Variants in SEMA3A observed in about 807,000 individuals in gnomAD.
The protein encoded by SEMA3A is semaphorin-3A.
In SEMA3A, 29 loss-of-function variants were observed where a neutral mutation model predicts 97.9. That is an observed-to-expected ratio of 0.30 (90% CI 0.22 to 0.40). SEMA3A has a LOEUF of 0.40. Ranked by LOEUF, SEMA3A falls within the 10% of genes least tolerant of loss-of-function variation. The pLI is 1.00. For missense variants in SEMA3A, 763 were observed against 951.3 expected (o/e 0.80, Z 2.60); for synonymous variants, 321 against 323.7 (o/e 0.99, Z 0.09).
chr7:84,241,460 G>C (rs1473737149), intron 3 of SEMA3A, among the ~76,000 whole-genome samples: 1 of 151,786 alleles, frequency 6.6e-6, no homozygotes, highest in Non-Finnish European at 1.5e-5. Context: ...TTGTTTATTT[G>C]TTTCTTGTAA....
chr7:84,165,177 C>T (rs35360498), intron 1 of SEMA3A, among the ~76,000 whole-genome samples: 59,153 of 151,764 alleles, frequency 0.39, 13,041 homozygotes, highest in Admixed American at 0.49. Context: ...ATTGCACTCC[C>T]GCCTGGGTGT....
At chr7:84,203,520 A>ATT (rs1158876783) in intron 3 of SEMA3A, among the ~76,000 whole-genome samples, 47 of 50,212 alleles carry the variant, frequency 9.4e-4, no homozygotes, top group South Asian at 2.6e-3. Flanking sequence ...ATATATATAT[A>ATT]TATATATTTT....
chr7:84,000,533 T>A (rs1408554609), intron 12 of SEMA3A, among the ~76,000 whole-genome samples: 1 of 152,170 alleles, frequency 6.6e-6, no homozygotes, highest in Non-Finnish European at 1.5e-5. Context: ...TACTCGTTAC[T>A]GTCTTTGATG....
At chr7:84,134,988 T>A (rs370142538) in intron 1 of SEMA3A, 37 bp from the exon 2 acceptor site, 1 of 1,581,466 alleles carries the variant, frequency 6.3e-7, no homozygotes, top group African/African-American at 1.3e-5. Flanking sequence ...GGTATTAATG[T>A]GAAGCACTAT....
chr7:84,419,621 A>G (rs1486327330), intron 1 of SEMA3A, among the ~76,000 whole-genome samples: 1 of 152,122 alleles, frequency 6.6e-6, no homozygotes, highest in Non-Finnish European at 1.5e-5. Flanking sequence ...AAGGTTTGAC[A>G]TTCAAAAGTG....
At position 83,981,445 on chromosome 7, in the gene SEMA3A, C is replaced by T. The variant is rs1302691278; in HGVS notation, c.1528G>A (p.Ala510Thr). 1 of 1,612,642 alleles carries T rather than the reference C, an allele frequency of 6.2e-7. No individual in the cohort carries two copies. The highest frequency in any genetic ancestry group is 1.3e-5 in the African/African-American group (1 of 74,896). The change falls in exon 14 of 17, where the codon GCC becomes ACC. Residue 510 changes from alanine (A) to threonine (T), a missense_variant. Physicochemically the swap from Ala to Thr is moderately conservative, Grantham distance 58. Coordinates refer to ENST00000265362, the MANE Select transcript of SEMA3A (RefSeq NM_006080.3). ...TCACACCGGTGTAAAGGGAGCTGGG[C>T]AACCCCAGCCGTTGAACCAATATAT... ...QLYIGSTAGV[A>T]QLPLHRCDIY...
intron 3 of SEMA3A, among the ~76,000 whole-genome samples, chr7:84,250,962 TCTC>T (rs1305547206): frequency 2.0e-5 from 3 of 152,152 alleles, no homozygotes; most frequent in Admixed American, 6.6e-5. Context: ...ACGCAGATAA[TCTC>T]CTCAAGAGTC....
chr7:84,491,185 T>G (rs941299084), intron 1 of SEMA3A, among the ~76,000 whole-genome samples: 2 of 152,106 alleles, frequency 1.3e-5, no homozygotes, highest in South Asian at 4.1e-4. Context: ...CCATCTATAA[T>G]AGTTAGAAAA....
intron 15 of SEMA3A, among the ~76,000 whole-genome samples, chr7:83,975,829 T>C (rs1363540020): frequency 8.5e-5 from 13 of 152,212 alleles, no homozygotes; most frequent in Non-Finnish European, 1.5e-4. Flanking sequence ...TCAATATTTT[T>C]CCATGAAACA....
chr7:84,322,804 AAAAATGTG>A (rs1260567770), intron 2 of SEMA3A, among the ~76,000 whole-genome samples: 1 of 152,244 alleles, frequency 6.6e-6, no homozygotes, highest in Non-Finnish European at 1.5e-5. Context: ...TGAGGATTTA[AAAAATGTG>A]AAATCACATC....
intron 1 of SEMA3A, among the ~76,000 whole-genome samples, chr7:84,423,237 A>G (rs1029338984): frequency 6.6e-6 from 1 of 151,826 alleles, no homozygotes; most frequent in Non-Finnish European, 1.5e-5. Flanking sequence ...AAGATTTGCA[A>G]TATTAGACTC....
chr7:84,437,614 C>T (rs751197396), intron 1 of SEMA3A, among the ~76,000 whole-genome samples: 1 of 145,158 alleles, frequency 6.9e-6, no homozygotes, highest in Non-Finnish European at 1.5e-5. Flanking sequence ...TAAAGAAAAA[C>T]ATTTAAGGAA....
intron 1 of SEMA3A, among the ~76,000 whole-genome samples, chr7:84,485,670 C>T (rs1053820299): frequency 2.0e-5 from 3 of 152,090 alleles, no homozygotes; most frequent in Admixed American, 6.6e-5. Flanking sequence ...TTACTGCTCC[C>T]GCTTTATGTG....
intron 1 of SEMA3A, among the ~76,000 whole-genome samples, chr7:84,192,608 G>C (rs1474563901): frequency 6.6e-6 from 1 of 151,756 alleles, no homozygotes; most frequent in Non-Finnish European, 1.5e-5. Context: ...GTACAACAAA[G>C]GATATTCAAA....
Position 84,288,889 on chromosome 7 carries a change from A to G in SEMA3A, c.-83+18318T>C, listed in dbSNP as rs78410178. Among the ~76,000 whole-genome samples the G allele has an allele frequency of 5.3e-5, 8 of 152,248 alleles. No homozygotes were observed. In the East Asian group the frequency reaches 1.5e-3, roughly 29 times the overall value. ...CATATCTAAAAGAAAGGAAATCAGT[A>G]AGCTAAAGAGCTTACACACTCCTCC... is the stretch of plus-strand genomic sequence containing the variant. On this transcript the variant is annotated intron_variant, in intron 3 of 3. Transcript: ENST00000424555.
chr7:84,066,842 C>G lies in SEMA3A; in HGVS notation c.454-6284G>C, dbSNP rs186299800. ...AATCAATATCGTGAAAATGGCCATACTGCCCAAGGTAATTTACAGATTGAA... is the reference window on the plus strand; with the variant it reads ...AATCAATATCGTGAAAATGGCCATAGTGCCCAAGGTAATTTACAGATTGAA... On this transcript the variant is annotated intron_variant, in intron 4 of 16. Transcript: ENST00000265362. 1.2e-3 allele frequency among the ~76,000 whole-genome samples: 179 copies of G among 152,220 alleles called. 3 individuals carry two copies. The highest frequency in any genetic ancestry group is 4.3e-3 in the African/African-American group (178 of 41,532).
intron 6 of SEMA3A, among the ~76,000 whole-genome samples, chr7:84,018,905 AAAAAC>A (rs1189458411): frequency 6.6e-6 from 1 of 152,152 alleles, no homozygotes; most frequent in Non-Finnish European, 1.5e-5. Context: ...TGCTGCAGAG[AAAAAC>A]AAAACAAACA....
At chr7:84,340,375 T>G (rs1203860790) in intron 2 of SEMA3A, among the ~76,000 whole-genome samples, 1 of 152,188 alleles carries the variant, frequency 6.6e-6, no homozygotes, top group Non-Finnish European at 1.5e-5. Context: ...TCATACTAAA[T>G]TCAGAATGAA....
At chr7:84,072,075 C>T (rs574270310) in intron 4 of SEMA3A, among the ~76,000 whole-genome samples, 1 of 151,818 alleles carries the variant, frequency 6.6e-6, no homozygotes. Flanking sequence ...TACTCTTTAA[C>T]GTCTTGGTGG....
Sources: allele counts gnomAD v4.1 joint callset (sites outside exome capture counted in the v4.1 genomes callset), GRCh38; gene constraint gnomAD v4.1.1; transcripts MANE v1.5; gene names NCBI Gene and HGNC (gene_info 2026-07-23, HGNC 2026-07-21).